The following XPO1 variants were observed in gnomAD, a reference collection of about 807,000 sequenced individuals.
XPO1 encodes exportin 1.
In XPO1, 5 loss-of-function variants were observed where a neutral mutation model predicts 133.3. The ratio of observed to expected loss-of-function variants is 0.04; its 90% confidence interval spans 0.02 to 0.08. The LOEUF (loss-of-function observed/expected upper bound fraction) is 0.08. Among genes scored for constraint, XPO1 ranks in the 10% least tolerant of loss-of-function variants. The probability of loss-of-function intolerance (pLI) is 1.00; values close to 1 mark genes in which losing one functional copy is unlikely to be tolerated. For missense variants in XPO1, 506 were observed against 1,267.5 expected, an observed-to-expected ratio of 0.40 and a Z score of 9.12; for synonymous variants, 419 against 408.2, an observed-to-expected ratio of 1.03 and a Z score of -0.32.
chr2:61,488,486 G>T, intron 18 of XPO1, 102 bp downstream of exon 18: 3 of 1,311,730 alleles, frequency 2.3e-6, no homozygotes, highest in South Asian at 1.4e-5. Flanking sequence ...GAAATGGGAG[G>T]TCTGATTTAA....
At chr2:61,490,958 C>T (rs1462849969) in intron 16 of XPO1, among the ~76,000 whole-genome samples, 182 bp from the exon 17 acceptor site, 1 of 152,090 alleles carries the variant, frequency 6.6e-6, no homozygotes, top group East Asian at 1.9e-4. Flanking sequence ...AGTTGCAGAC[C>T]AGCCTGACCA....
At chr2:61,496,659 A>G (rs1697256270) in intron 10 of XPO1, among the ~76,000 whole-genome samples, 1 of 152,228 alleles carries the variant, frequency 6.6e-6, no homozygotes, top group Admixed American at 6.5e-5. Context: ...CCAAGCTCCT[A>G]AAGTGTGCAG....
intron 4 of XPO1, among the ~76,000 whole-genome samples, chr2:61,519,239 G>A (rs1320061787): frequency 2.6e-5 from 4 of 152,072 alleles, no homozygotes; most frequent in African/African-American, 9.7e-5. Flanking sequence ...GTGAGCCACC[G>A]TGCTGAGCCT....
intron 2 of XPO1, among the ~76,000 whole-genome samples, chr2:61,529,928 A>G (rs10206607): frequency 0.018 from 2,732 of 152,302 alleles, 83 homozygotes; most frequent in African/African-American, 0.061. Context: ...TAATGTGTAT[A>G]CTTTAAAATA....
intron 11 of XPO1, 30 bp from the exon 12 acceptor site, chr2:61,494,121 A>G: frequency 1.3e-6 from 2 of 1,576,712 alleles, no homozygotes; most frequent in South Asian, 2.3e-5. Context: ...TGTTAAAATA[A>G]TTCTTAAACA....
chr2:61,478,793 A>AG lies in XPO1; in HGVS notation c.*26dup, dbSNP rs1696183038. On this transcript the variant is annotated 3_prime_UTR_variant, in exon 25 of 25. Coordinates refer to ENST00000401558, the MANE Select transcript of XPO1 (RefSeq NM_003400.4). ...GTTTTCCTCTGCTAACGAGTTGCAG[A>AG]GAAAAAAAACAGCATGAATTTGGAT... is the stretch of plus-strand genomic sequence containing the variant. The AG allele has an allele frequency of 1.2e-6, 2 of 1,607,640 alleles. No homozygotes were observed. The highest frequency in any genetic ancestry group is 1.7e-6 in the Non-Finnish European group (2 of 1,176,718).
chr2:61,484,250 C>A, intron 20 of XPO1, 145 bp from the exon 21 acceptor site: 1 of 639,348 alleles, frequency 1.6e-6, no homozygotes, highest in Non-Finnish European at 2.6e-6. Flanking sequence ...AAGGTAAACC[C>A]AAGTAAAATA....
intron 16 of XPO1, 36 bp downstream of exon 16, chr2:61,491,999 T>C (rs759291698): frequency 4.4e-6 from 7 of 1,608,414 alleles, no homozygotes; most frequent in African/African-American, 4.0e-5. Flanking sequence ...CAAGTGTTAC[T>C]TTCTAAAAAT....
chr2:61,488,566 G>GT (rs1375377233), intron 18 of XPO1, 22 bp downstream of exon 18: 1 of 1,607,688 alleles, frequency 6.2e-7, no homozygotes, highest in Non-Finnish European at 8.5e-7. Context: ...ACTGCATTGT[G>GT]TAAGAAATCA....
rs1341527279 is a variant in XPO1, at chr2:61,529,780, A to C, written c.127-3259T>G. Among the ~76,000 whole-genome samples the C allele has an allele frequency of 2.0e-5, 3 of 152,174 alleles. No homozygotes were observed. The East Asian group carries it at 5.8e-4, about 29-fold the overall frequency. On this transcript the variant is annotated intron_variant, in intron 2 of 24. Transcript: ENST00000401558. ...AATACCACATTCATGACTATCCCAT[A>C]CATCAATCAGGAAAACACACTGCTA...
At chr2:61,516,056 G>C (rs1473354182) in intron 4 of XPO1, among the ~76,000 whole-genome samples, 1 of 151,408 alleles carries the variant, frequency 6.6e-6, no homozygotes, top group African/African-American at 2.4e-5. Flanking sequence ...AACCCAGGAG[G>C]CTGAGCATCC....
chr2:61,536,140 A>G (rs186597051), intron 1 of XPO1: 46 of 152,358 alleles, frequency 3.0e-4, no homozygotes, highest in African/African-American at 1.1e-3. Flanking sequence ...TTTAGAATAG[A>G]AGGATTTAAA....
chr2:61,532,620 G>C (rs931150483), intron 2 of XPO1, among the ~76,000 whole-genome samples: 4 of 143,464 alleles, frequency 2.8e-5, no homozygotes, highest in African/African-American at 1.0e-4. Context: ...GGCGGATCAC[G>C]AGGTCAGGAG....
In XPO1 at chr2:61,478,774, C is replaced by T. The variant is rs571442816; in HGVS notation, c.*46G>A. ...CGACAAATACCCACATGCTGTTTTC[C>T]TCTGCTAACGAGTTGCAGAGAAAAA... On this transcript the variant is annotated 3_prime_UTR_variant, in exon 25 of 25. Coordinates refer to ENST00000401558, the MANE Select transcript of XPO1 (RefSeq NM_003400.4). The T allele has an allele frequency of 3.3e-5, 52 of 1,594,570 alleles. No individual in the cohort carries two copies. The South Asian group carries it at 5.7e-4, about 17-fold the overall frequency.
chr2:61,495,384 G>GA (rs74392163), intron 11 of XPO1, 71 bp downstream of exon 11: 787,409 of 1,294,210 alleles, frequency 0.61, 241,719 homozygotes, highest in Middle Eastern at 0.72. Context: ...ATACATTTTA[G>GA]AAAAAGGCAC....
chr2:61,514,415 A>C (rs1426140502), intron 4 of XPO1, among the ~76,000 whole-genome samples: 1 of 151,232 alleles, frequency 6.6e-6, no homozygotes, highest in Non-Finnish European at 1.5e-5. Context: ...ACATGGTGAA[A>C]GCTCGTCTCT....
intron 17 of XPO1, among the ~76,000 whole-genome samples, chr2:61,489,577 C>T (rs1242968977): frequency 1.3e-4 from 19 of 148,702 alleles, no homozygotes; most frequent in Admixed American, 3.3e-4. Flanking sequence ...TTTTTTGGGA[C>T]GGAGTCTCGT....
rs1195049382 is a variant in XPO1, at chr2:61,482,034, CTTTTT to C, written c.2972+341_2972+345del. 4.0e-3 allele frequency among the ~76,000 whole-genome samples: 288 copies of C among 71,394 alleles called. 7 individuals carry two copies. The highest frequency in any genetic ancestry group is 0.011 in the African/African-American group (227 of 20,424). 46.8% of individuals were successfully genotyped at this position (71,394 alleles called of 152,430 possible). Reference sequence around the variant, plus strand: ...ACAGTCATGAGCCACCGTGCGTGGCCTTTTTTTTTTTTTTTTTTTTTTTGCTTTTT... The same window carrying C: ...ACAGTCATGAGCCACCGTGCGTGGCCTTTTTTTTTTTTTTTTTTGCTTTTT... On this transcript the variant is annotated intron_variant, in intron 23 of 24. Transcript: ENST00000401558.
chr2:61,534,946 T>C (rs1347073546), intron 1 of XPO1, among the ~76,000 whole-genome samples: 1 of 152,194 alleles, frequency 6.6e-6, no homozygotes, highest in Non-Finnish European at 1.5e-5. Context: ...ATGGGCAATA[T>C]GCCTAACAAG....
Sources: allele counts gnomAD v4.1 joint callset (sites outside exome capture counted in the v4.1 genomes callset), GRCh38; gene constraint gnomAD v4.1.1; transcripts MANE v1.5; gene names NCBI Gene and HGNC (gene_info 2026-07-23, HGNC 2026-07-21).